Variants in KLHL1 observed in about 807,000 individuals in gnomAD.
KLHL1 encodes kelch like family member 1, also known as kelch-like protein 1.
Under a neutral mutation model 77.7 loss-of-function variants are expected in KLHL1, and 47 were observed. The observed-to-expected ratio is 0.60, with a 90% CI of 0.48 to 0.77. The LOEUF is 0.77. Ranked by LOEUF, KLHL1 falls within the 30% of genes least tolerant of loss-of-function variation. The pLI is 0.00. For synonymous variants in KLHL1, 360 were observed against 325.2 expected (o/e 1.11, Z -1.15); for missense variants, 925 against 910.8 (o/e 1.02, Z -0.20).
chr13:69,912,314 T>C (rs1483414606), intron 4 of KLHL1, among the ~76,000 whole-genome samples: 2 of 152,182 alleles, frequency 1.3e-5, no homozygotes, highest in East Asian at 1.9e-4. Flanking sequence ...ACTGAGTACA[T>C]TTATCCCTTC....
At chr13:69,871,839 C>G (rs1880598884) in intron 5 of KLHL1, among the ~76,000 whole-genome samples, 1 of 150,878 alleles carries the variant, frequency 6.6e-6, no homozygotes, top group Non-Finnish European at 1.5e-5. Context: ...GTCTATATTT[C>G]TATCAGCATA....
At chr13:69,871,141 A>G (rs1880568745) in intron 5 of KLHL1, among the ~76,000 whole-genome samples, 1 of 152,108 alleles carries the variant, frequency 6.6e-6, no homozygotes, top group Admixed American at 6.6e-5. Context: ...GCACTTGCAG[A>G]CTTAACAAGA....
intron 5 of KLHL1, among the ~76,000 whole-genome samples, chr13:69,855,893 CAT>C (rs906542051): frequency 7.1e-6 from 1 of 141,626 alleles, no homozygotes; most frequent in Non-Finnish European, 1.5e-5. Context: ...ATATAATATA[CAT>C]GTTTTATATA....
intron 2 of KLHL1, among the ~76,000 whole-genome samples, chr13:69,965,058 A>C (rs901945449): frequency 6.6e-6 from 1 of 152,210 alleles, no homozygotes; most frequent in Non-Finnish European, 1.5e-5. Flanking sequence ...TTATTGGTAT[A>C]TTCACAGCTT....
chr13:69,899,099 G>T (rs1422813952), intron 4 of KLHL1, among the ~76,000 whole-genome samples: 1 of 151,832 alleles, frequency 6.6e-6, no homozygotes, highest in Non-Finnish European at 1.5e-5. Flanking sequence ...AACTCAGGAA[G>T]GTTGTAAGGA....
chr13:69,731,559 T>C (rs1158588962), intron 8 of KLHL1, among the ~76,000 whole-genome samples: 1 of 152,136 alleles, frequency 6.6e-6, no homozygotes, highest in Non-Finnish European at 1.5e-5. Flanking sequence ...GCAGAAATGG[T>C]TACAGATATT....
intron 1 of KLHL1, among the ~76,000 whole-genome samples, chr13:70,098,357 C>T (rs1383246323): frequency 6.6e-6 from 1 of 151,646 alleles, no homozygotes; most frequent in Non-Finnish European, 1.5e-5. Context: ...TAAATGTTCC[C>T]TGTGTAATTT....
chr13:69,956,322 A>G (rs1208657634), intron 3 of KLHL1, among the ~76,000 whole-genome samples: 1 of 150,768 alleles, frequency 6.6e-6, no homozygotes, highest in Non-Finnish European at 1.5e-5. Context: ...CATAAGGCAT[A>G]GTACATAGTA....
chr13:69,784,413 T>TATCA (rs1294809567), intron 7 of KLHL1, among the ~76,000 whole-genome samples: 1 of 152,076 alleles, frequency 6.6e-6, no homozygotes, highest in Non-Finnish European at 1.5e-5. Flanking sequence ...AGTCAAGACC[T>TATCA]ATCAGTGTGC....
At chr13:69,749,260 T>C (rs914251820) in intron 7 of KLHL1, among the ~76,000 whole-genome samples, 1 of 151,972 alleles carries the variant, frequency 6.6e-6, no homozygotes. Context: ...TTTAAAAATA[T>C]TTTTCTGTGT....
At chr13:70,039,977 T>G (rs973583220) in intron 1 of KLHL1, among the ~76,000 whole-genome samples, 1 of 152,112 alleles carries the variant, frequency 6.6e-6, no homozygotes, top group Admixed American at 6.6e-5. Context: ...GTGTAAATCT[T>G]TCTGTAACTC....
chr13:69,949,115 T>TC (rs1566435590), intron 3 of KLHL1, among the ~76,000 whole-genome samples: 1 of 151,912 alleles, frequency 6.6e-6, no homozygotes, highest in African/African-American at 2.4e-5. Context: ...CATCTTACAT[T>TC]CGTATGATAT....
chr13:70,056,385 A>C (rs1224411161), intron 1 of KLHL1, among the ~76,000 whole-genome samples: 1 of 152,176 alleles, frequency 6.6e-6, no homozygotes, highest in Non-Finnish European at 1.5e-5. Context: ...CAATATAATA[A>C]TAGCTGGTGA....
rs869083780 is a variant in KLHL1 at position 69,781,285 on chromosome 13, C to CTTTTTT, written c.1639+15447_1639+15452dup. Among the ~76,000 whole-genome samples the CTTTTTT allele has an allele frequency of 2.5e-3, 296 of 119,680 alleles. 2 individuals are homozygous for CTTTTTT. Among genetic ancestry groups the CTTTTTT allele is most frequent in the African/African-American group, 5.7e-3 (178 of 31,080 alleles). 78.5% of individuals were successfully genotyped at this position (119,680 alleles called of 152,430 possible). ...TCTTGAGAGACTCCTTTTTTTCTTT[C>CTTTTTT]TTTTTTTTTTTTTTTTTTTTGTCAA... On this transcript the variant is annotated intron_variant, in intron 7 of 10. Transcript: ENST00000377844.
At chr13:69,839,217 G>A in intron 5 of KLHL1, 55 bp from the exon 6 acceptor site, 2 of 1,215,276 alleles carry the variant, frequency 1.6e-6, no homozygotes, top group East Asian at 2.4e-5. Context: ...TGAACATTAT[G>A]TCATTCCTTA....
intron 1 of KLHL1, among the ~76,000 whole-genome samples, chr13:69,981,726 C>T (rs939762448): frequency 1.3e-5 from 2 of 151,288 alleles, no homozygotes; most frequent in African/African-American, 2.4e-5. Context: ...ATATCAGGCA[C>T]ACATTATTTT....
At chr13:70,043,246 A>C (rs539046198) in intron 1 of KLHL1, among the ~76,000 whole-genome samples, 23 of 152,258 alleles carry the variant, frequency 1.5e-4, no homozygotes, top group Non-Finnish European at 3.1e-4. Context: ...TACTAAAAAA[A>C]AATAAAAATA....
chr13:69,750,069 TTAA>T (rs1297032398), intron 7 of KLHL1, among the ~76,000 whole-genome samples: 3 of 151,564 alleles, frequency 2.0e-5, no homozygotes, highest in Admixed American at 1.3e-4. Flanking sequence ...TTATTTTAAA[TTAA>T]TAATAATGTA....
chr13:70,100,026 T>C (rs1277030392), intron 1 of KLHL1, among the ~76,000 whole-genome samples: 1 of 152,038 alleles, frequency 6.6e-6, no homozygotes, highest in East Asian at 1.9e-4. Context: ...TTCTAGGTCC[T>C]TTGAATTTTT....
Sources: allele counts gnomAD v4.1 joint callset (sites outside exome capture counted in the v4.1 genomes callset), GRCh38; gene constraint gnomAD v4.1.1; transcripts MANE v1.5; gene names NCBI Gene and HGNC (gene_info 2026-07-23, HGNC 2026-07-21).